BBX: variants seen among roughly 807,000 people sequenced by gnomAD.
BBX encodes the protein BBX high mobility group box domain containing.
Under a neutral mutation model 100.2 loss-of-function variants are expected in BBX, and 30 were observed. That is an observed-to-expected ratio of 0.30 (90% CI 0.22 to 0.41). The LOEUF is 0.41. Among genes scored for constraint, BBX ranks in the 10% least tolerant of loss-of-function variants. BBX has a pLI of 1.00. For synonymous variants in BBX, 376 were observed against 388.1 expected (o/e 0.97, Z 0.37); for missense variants, 1,023 against 1,129.8 (o/e 0.91, Z 1.35).
At chr3:107,722,708 C>A (rs1391925704) in intron 5 of BBX, among the ~76,000 whole-genome samples, 1 of 151,888 alleles carries the variant, frequency 6.6e-6, no homozygotes, top group African/African-American at 2.4e-5. Flanking sequence ...TTCAGTCAAA[C>A]CATAAATTTA....
At chr3:107,639,768 T>C (rs905919174) in intron 2 of BBX, among the ~76,000 whole-genome samples, 1 of 152,188 alleles carries the variant, frequency 6.6e-6, no homozygotes, top group South Asian at 2.1e-4. Flanking sequence ...AAAGATCTTA[T>C]GGCAATGTAC....
intron 2 of BBX, among the ~76,000 whole-genome samples, chr3:107,590,231 A>C (rs34950409): frequency 6.6e-6 from 1 of 152,144 alleles, no homozygotes; most frequent in Non-Finnish European, 1.5e-5. Context: ...AGAAATTTAT[A>C]TGTATTTATG....
At chr3:107,777,970 A>G (rs1025911749) in intron 12 of BBX, among the ~76,000 whole-genome samples, 1 of 152,116 alleles carries the variant, frequency 6.6e-6, no homozygotes, top group African/African-American at 2.4e-5. Flanking sequence ...TGATACCAAT[A>G]TATCATATGG....
At chr3:107,747,791 G>C (rs1214454214) in intron 8 of BBX, among the ~76,000 whole-genome samples, 174 bp from the exon 9 acceptor site, 1 of 151,798 alleles carries the variant, frequency 6.6e-6, no homozygotes, top group Non-Finnish European at 1.5e-5. Context: ...TCTGTTTTTA[G>C]AAACATGGCC....
At chr3:107,771,718 C>T (rs904519038) in intron 10 of BBX, among the ~76,000 whole-genome samples, 1 of 152,118 alleles carries the variant, frequency 6.6e-6, no homozygotes, top group South Asian at 2.1e-4. Flanking sequence ...GTTCTCAGAG[C>T]ATTTATGACT....
chr3:107,672,937 C>A (rs1167294395), intron 3 of BBX, among the ~76,000 whole-genome samples: 10 of 152,040 alleles, frequency 6.6e-5, no homozygotes, highest in East Asian at 1.9e-4. Context: ...GAAAAATTAA[C>A]CCCATGGATG....
At chr3:107,771,146 A>G (rs1010671319) in intron 10 of BBX, among the ~76,000 whole-genome samples, 3 of 151,664 alleles carry the variant, frequency 2.0e-5, no homozygotes, top group Non-Finnish European at 4.4e-5. Flanking sequence ...GGCATCATCA[A>G]TCTCTTTATA....
At chr3:107,606,070 C>G (rs1055752501) in intron 2 of BBX, among the ~76,000 whole-genome samples, 1 of 152,096 alleles carries the variant, frequency 6.6e-6, no homozygotes, top group African/African-American at 2.4e-5. Flanking sequence ...AAAATAAGCT[C>G]TTTTTCTCCC....
intron 2 of BBX, among the ~76,000 whole-genome samples, chr3:107,583,949 ATTATATTAT>A (rs1469980762): frequency 2.7e-5 from 2 of 73,610 alleles, no homozygotes; most frequent in African/African-American, 6.0e-5. Flanking sequence ...TATATATATT[ATTATATTAT>A]ATATATTATA....
intron 3 of BBX, among the ~76,000 whole-genome samples, chr3:107,667,508 C>T (rs2107899210): frequency 6.6e-6 from 1 of 151,610 alleles, no homozygotes; most frequent in East Asian, 1.9e-4. Flanking sequence ...ATAAGTTGGA[C>T]CATCCTTAAG....
chr3:107,728,784 A>G lies in BBX; in HGVS notation c.425A>G (p.Lys142Arg), dbSNP rs377666079. 11 of 1,612,908 alleles carry G rather than the reference A, an allele frequency of 6.8e-6. No individual in the cohort carries two copies. In the African/African-American group the frequency reaches 1.5e-4, roughly 22 times the overall value. Residue 142 changes from lysine to arginine, a missense_variant, in exon 6 of 18, where the codon AAA becomes AGA. Physicochemically the swap from Lys to Arg is conservative, Grantham distance 26. Transcript: ENST00000325805. Reference sequence around the variant, plus strand: ...TTATAGTATAAGGATGCATTTATGAAAGCAAATCCTGGCTACAAATGGTGT... The same window carrying G: ...TTATAGTATAAGGATGCATTTATGAGAGCAAATCCTGGCTACAAATGGTGT... ...MAKEYKDAFM[K>R]ANPGYKWCPT...
intron 2 of BBX, among the ~76,000 whole-genome samples, chr3:107,579,293 A>G (rs1036736112): frequency 2.6e-5 from 4 of 152,214 alleles, no homozygotes; most frequent in Non-Finnish European, 4.4e-5. Context: ...TTATCTTTTG[A>G]TTAAGTTTGA....
At chr3:107,750,544 A>G (rs914217296) in intron 9 of BBX, among the ~76,000 whole-genome samples, 5 of 152,158 alleles carry the variant, frequency 3.3e-5, no homozygotes, top group African/African-American at 1.2e-4. Context: ...TGTAAATGTT[A>G]TATGTGTTTA....
At chr3:107,696,021 C>G (rs2060569970) in intron 3 of BBX, among the ~76,000 whole-genome samples, 1 of 151,716 alleles carries the variant, frequency 6.6e-6, no homozygotes, top group African/African-American at 2.4e-5. Context: ...ATTGCAACCC[C>G]TGCCTTTTTT....
intron 3 of BBX, among the ~76,000 whole-genome samples, chr3:107,668,905 G>A (rs527808746): frequency 1.1e-3 from 174 of 152,160 alleles, no homozygotes; most frequent in African/African-American, 4.1e-3. Context: ...ATGGGACTGC[G>A]TTCTCCTTTT....
At chr3:107,710,979 G>A (rs1026620048) in intron 4 of BBX, among the ~76,000 whole-genome samples, 3 of 152,092 alleles carry the variant, frequency 2.0e-5, no homozygotes, top group East Asian at 1.9e-4. Context: ...TTCTGGCCTC[G>A]CCCTGCTACC....
chr3:107,527,716 A>G (rs954470565), intron 2 of BBX, among the ~76,000 whole-genome samples: 1 of 152,210 alleles, frequency 6.6e-6, no homozygotes, highest in Non-Finnish European at 1.5e-5. Flanking sequence ...AGCTCAGAAT[A>G]CATCACATAC....
At chr3:107,625,951 A>AAT (rs142538950) in intron 2 of BBX, among the ~76,000 whole-genome samples, 1 of 151,870 alleles carries the variant, frequency 6.6e-6, no homozygotes, top group Non-Finnish European at 1.5e-5. Flanking sequence ...TCATACATAT[A>AAT]ATATATATAC....
chr3:107,528,898 ACATTT>A (rs777650462), intron 2 of BBX, among the ~76,000 whole-genome samples: 1 of 152,200 alleles, frequency 6.6e-6, no homozygotes, highest in Non-Finnish European at 1.5e-5. Context: ...ATGTTTTCTT[ACATTT>A]CATAAAGAAC....
Sources: gnomAD v4.1 joint callset for allele counts (sites outside exome capture counted in the v4.1 genomes callset) on GRCh38, gnomAD v4.1.1 for gene constraint, MANE v1.5 for transcripts, NCBI Gene and HGNC (gene_info 2026-07-23, HGNC 2026-07-21) for gene names.